Variants in CDK14 observed in about 807,000 individuals in gnomAD.
CDK14 encodes cyclin-dependent kinase 14.
In CDK14, 34 loss-of-function variants were observed where a neutral mutation model predicts 60.7. The observed-to-expected ratio is 0.56, with a 90% CI of 0.43 to 0.75. The LOEUF (loss-of-function observed/expected upper bound fraction) is 0.75, where lower values mean the gene tolerates loss of function less well. CDK14 is among the 30% of genes least tolerant of loss of function. CDK14 has a pLI of 0.00. For synonymous variants in CDK14, 197 were observed against 203.7 expected (o/e 0.97, Z 0.28); for missense variants, 482 against 564.1 (o/e 0.85, Z 1.47).
intron 2 of CDK14, among the ~76,000 whole-genome samples, chr7:90,700,180 G>A (rs1477354797): frequency 6.6e-6 from 1 of 152,084 alleles, no homozygotes; most frequent in Admixed American, 6.6e-5. Context: ...TGCCACCACC[G>A]ACTCCCTGGT....
At chr7:90,973,890 T>C (rs1794996821) in intron 9 of CDK14, among the ~76,000 whole-genome samples, 1 of 152,108 alleles carries the variant, frequency 6.6e-6, no homozygotes, top group Admixed American at 6.6e-5. Flanking sequence ...GAAAAACATC[T>C]TAACAGGAAA....
At chr7:91,175,095 T>G (rs1801680516) in intron 14 of CDK14, among the ~76,000 whole-genome samples, 1 of 146,878 alleles carries the variant, frequency 6.8e-6, no homozygotes, top group African/African-American at 2.6e-5. Flanking sequence ...CCCATCAGAC[T>G]AACAGCGGAT....
At chr7:91,025,697 A>G (rs973744499) in intron 10 of CDK14, among the ~76,000 whole-genome samples, 3 of 152,190 alleles carry the variant, frequency 2.0e-5, no homozygotes, top group African/African-American at 7.2e-5. Flanking sequence ...ATTGAGGATG[A>G]TCTTTTGAAA....
intron 9 of CDK14, among the ~76,000 whole-genome samples, chr7:90,962,845 T>C (rs62468479): frequency 0.11 from 17,461 of 152,072 alleles, 1,096 homozygotes; most frequent in Middle Eastern, 0.16. Context: ...TAACAAGAGA[T>C]GGTTACATGT....
chr7:90,644,209 A>G (rs557847871), intron 2 of CDK14, among the ~76,000 whole-genome samples: 134 of 152,332 alleles, frequency 8.8e-4, no homozygotes, highest in Non-Finnish European at 1.6e-3. Context: ...CCAGTCCCCA[A>G]AACTAAGAAA....
chr7:91,205,100 G>A (rs1802849377), intron 14 of CDK14, among the ~76,000 whole-genome samples: 1 of 152,014 alleles, frequency 6.6e-6, no homozygotes, highest in Non-Finnish European at 1.5e-5. Context: ...AATGTGAAAT[G>A]GTACAGCCAT....
At chr7:91,096,402 C>T (rs1216769316) in intron 12 of CDK14, among the ~76,000 whole-genome samples, 3 of 152,026 alleles carry the variant, frequency 2.0e-5, no homozygotes, top group Non-Finnish European at 4.4e-5. Flanking sequence ...GCCATGTGAA[C>T]GAATTACCTT....
At chr7:91,073,689 A>G (rs191603295) in intron 11 of CDK14, among the ~76,000 whole-genome samples, 4 of 152,100 alleles carry the variant, frequency 2.6e-5, no homozygotes, top group Admixed American at 6.5e-5. Context: ...ACATGCCCCA[A>G]TTAGAAGACA....
chr7:91,114,327 T>G (rs1170476491), intron 13 of CDK14, among the ~76,000 whole-genome samples: 1 of 152,176 alleles, frequency 6.6e-6, no homozygotes, highest in Non-Finnish European at 1.5e-5. Context: ...CCAGTTTCTA[T>G]CAGTGAGTAA....
In CDK14 at chr7:90,972,296, A is replaced by G. The variant is rs1794954506; in HGVS notation, c.948-11852A>G. On this transcript the variant is annotated intron_variant, in intron 9 of 14. Coordinates refer to ENST00000380050, the MANE Select transcript of CDK14 (RefSeq NM_001287135.2). The stretch of plus-strand genomic sequence containing the variant: ...TAAATGATGAGTGGCAGTTTAATCA[A>G]TTTGGTTCCTTCTGTAGTCACCAAG... 2.0e-5 allele frequency among the ~76,000 whole-genome samples: 3 copies of G among 152,320 alleles called. No homozygotes were observed. In the South Asian group the frequency reaches 6.2e-4, roughly 32 times the overall value.
chr7:90,679,469 A>C (rs1801269612), intron 2 of CDK14, among the ~76,000 whole-genome samples: 1 of 152,202 alleles, frequency 6.6e-6, no homozygotes. Flanking sequence ...CTGTCTCTTT[A>C]ATAACCTGTA....
intron 3 of CDK14, among the ~76,000 whole-genome samples, chr7:90,734,193 G>C (rs1321084106): frequency 6.6e-6 from 1 of 152,114 alleles, no homozygotes; most frequent in Non-Finnish European, 1.5e-5. Context: ...TAGTCTGATG[G>C]GCTTCTCTTT....
At chr7:90,870,533 A>G (rs1791337339) in intron 6 of CDK14, among the ~76,000 whole-genome samples, 1 of 152,178 alleles carries the variant, frequency 6.6e-6, no homozygotes, top group Admixed American at 6.5e-5. Flanking sequence ...ACCTTTCCCA[A>G]CTTAGGGAAT....
rs185469058 is a variant in CDK14 at position 90,795,869 on chromosome 7, G to T, written c.544+5217G>T. 2.2e-3 allele frequency among the ~76,000 whole-genome samples: 337 copies of T among 152,264 alleles called. 3 individuals are homozygous for T. Among genetic ancestry groups the T allele is most frequent in the Middle Eastern group, 3.4e-3 (1 of 294 alleles). ...TTGGTCCAAGGTGACAAGAAGGTTC[G>T]TAGTGGTATTGAAGGACCAGTGTGA... On this transcript the variant is annotated intron_variant, in intron 5 of 14. Transcript: ENST00000380050.
chr7:90,780,733 C>A (rs1433405243), intron 4 of CDK14, among the ~76,000 whole-genome samples: 1 of 151,948 alleles, frequency 6.6e-6, no homozygotes, highest in Non-Finnish European at 1.5e-5. Flanking sequence ...AACATGAACT[C>A]ATCATTTTAT....
intron 14 of CDK14, among the ~76,000 whole-genome samples, chr7:91,200,265 A>G (rs909927055): frequency 7.9e-5 from 12 of 152,224 alleles, no homozygotes; most frequent in African/African-American, 2.9e-4. Flanking sequence ...TATGTGTTAT[A>G]TATACAAATA....
intron 4 of CDK14, among the ~76,000 whole-genome samples, chr7:90,787,600 T>C (rs972078718): frequency 5.9e-5 from 9 of 152,186 alleles, no homozygotes; most frequent in Admixed American, 5.9e-4. Flanking sequence ...TGAAATCTAC[T>C]CTGTGCCAAG....
chr7:90,946,843 A>G (rs931858613), intron 8 of CDK14, among the ~76,000 whole-genome samples: 1 of 152,178 alleles, frequency 6.6e-6, no homozygotes, highest in African/African-American at 2.4e-5. Flanking sequence ...TAAATAGGCC[A>G]TTCCCTTTTC....
At chr7:90,692,305 T>C (rs1801569353) in intron 2 of CDK14, among the ~76,000 whole-genome samples, 1 of 152,210 alleles carries the variant, frequency 6.6e-6, no homozygotes, top group South Asian at 2.1e-4. Context: ...ATTACATTTC[T>C]ATATTCCAAG....
Sources: allele counts gnomAD v4.1 joint callset (sites outside exome capture counted in the v4.1 genomes callset), GRCh38; gene constraint gnomAD v4.1.1; transcripts MANE v1.5; gene names NCBI Gene and HGNC (gene_info 2026-07-23, HGNC 2026-07-21).